C19orf44: variants seen among roughly 807,000 people sequenced by gnomAD.
The protein encoded by C19orf44 is chromosome 19 open reading frame 44.
In C19orf44, 43 loss-of-function variants were observed where a neutral mutation model predicts 50.7. The ratio of observed to expected loss-of-function variants is 0.85; its 90% confidence interval spans 0.66 to 1.09. The LOEUF (loss-of-function observed/expected upper bound fraction) is 1.09. Ranked by LOEUF, C19orf44 falls within the 50% of genes least tolerant of loss-of-function variation. The probability of loss-of-function intolerance (pLI) is 0.00; values close to 1 mark genes in which losing one functional copy is unlikely to be tolerated. For synonymous variants in C19orf44, 298 were observed against 334.7 expected (o/e 0.89, Z 1.20); for missense variants, 722 against 836.2 (o/e 0.86, Z 1.68).
chr19:16,498,727 A>G (rs1268087280), intron 1 of C19orf44, among the ~76,000 whole-genome samples: 4 of 151,342 alleles, frequency 2.6e-5, no homozygotes, highest in Non-Finnish European at 5.9e-5. Flanking sequence ...CTGGAGTGCA[A>G]TGGCGCGATC....
rs745713638 is a variant in C19orf44, at chr19:16,509,571, C to T, written c.1222C>T (p.Pro408Ser). 23 of 1,612,248 alleles carry T rather than the reference C, an allele frequency of 1.4e-5. No homozygotes were observed. The highest frequency in any genetic ancestry group is 1.9e-5 in the Non-Finnish European group (22 of 1,178,930). ...RAEASTGQDA[P>S]RQAQARSWAS... ...CGAGGCGTCCACTGGGCAGGATGCCCCGAGGCAGGCCCAGGCGAGGAGCTG... is the reference window on the plus strand; with the variant it reads ...CGAGGCGTCCACTGGGCAGGATGCCTCGAGGCAGGCCCAGGCGAGGAGCTG... The change falls in exon 5 of 9, where the codon CCG (proline) becomes TCG (serine). Residue 408 changes from proline (P) to serine (S), a missense_variant. By Grantham distance (74) the Pro-to-Ser change is moderately conservative. Coordinates refer to ENST00000221671, the MANE Select transcript of C19orf44 (RefSeq NM_032207.4).
chr19:16,498,431 G>A (rs2093415971), intron 1 of C19orf44, among the ~76,000 whole-genome samples: 2 of 152,000 alleles, frequency 1.3e-5, no homozygotes, highest in East Asian at 1.9e-4. Context: ...CTACAGGTGT[G>A]TGCCATCAGA....
Position 16,517,348 on chromosome 19 carries a change from C to T in C19orf44, c.*40+7C>T, listed in dbSNP as rs776484668. On this transcript the variant is annotated splice_region_variant and intron_variant, in intron 8 of 8. Transcript: ENST00000221671. ...CGTGACGTCTTAACAAAAGGTATCC[C>T]GTCCTGTGTACTCAGTGCACACACA... 1.5e-4 allele frequency: 234 copies of T among 1,562,556 alleles called. 5 individuals carry two copies. The South Asian group carries it at 2.0e-3, about 13-fold the overall frequency.
At chr19:16,497,069 C>T (rs2093411428) in intron 1 of C19orf44, among the ~76,000 whole-genome samples, 1 of 152,096 alleles carries the variant, frequency 6.6e-6, no homozygotes, top group Non-Finnish European at 1.5e-5. Flanking sequence ...TCCAGGAGGT[C>T]AAGGGCTGCT....
At chr19:16,512,312 A>G (rs994432823) in intron 5 of C19orf44, among the ~76,000 whole-genome samples, 7 of 152,104 alleles carry the variant, frequency 4.6e-5, no homozygotes, top group Non-Finnish European at 8.8e-5. Flanking sequence ...GTTTTCCTAG[A>G]CTAGGACTGA....
At position 16,519,759 on chromosome 19, in the gene C19orf44, A is replaced by G. The variant is rs758462254; in HGVS notation, c.*41-335A>G. On this transcript the variant is annotated intron_variant, in intron 8 of 8. Transcript: ENST00000221671. The surrounding 1 kb of genome is among the most constrained non-coding windows in gnomAD (Gnocchi z 6.0). ...ATTCTTTTTAAGAAGTAACTGAGAC[A>G]TTTATTGGAATGACAGTGATGAGGA... 3.3e-6 allele frequency: 5 copies of G among 1,501,826 alleles called. No homozygotes were observed. The highest frequency in any genetic ancestry group is 1.4e-5 in the African/African-American group (1 of 72,590). The allele number at this position is 1,501,826 out of a possible 1,614,324, so 93.0% of individuals were successfully genotyped here. A position where few individuals can be genotyped will look rare whatever the true frequency, so the allele number is the denominator to read the frequency against.
rs1001613678 is a variant in C19orf44 at position 16,520,657 on chromosome 19, T to C, written c.*604T>C. ...ACAGCAACGGTACCAAGTTCCTAAATAGTGTGGCCGAGCCTGCTGCTGTGT... is the reference window on the plus strand; with the variant it reads ...ACAGCAACGGTACCAAGTTCCTAAACAGTGTGGCCGAGCCTGCTGCTGTGT... On this transcript the variant is annotated 3_prime_UTR_variant, in exon 9 of 9. Coordinates refer to ENST00000221671, the MANE Select transcript of C19orf44 (RefSeq NM_032207.4). This position sits in a 1 kb window ranked among gnomAD's most constrained non-coding sequence, Gnocchi z 4.0. 1.7e-6 allele frequency: 2 copies of C among 1,150,190 alleles called. No homozygotes were observed. The highest frequency in any genetic ancestry group is 2.4e-5 in the East Asian group (1 of 42,302). 71.2% of individuals were successfully genotyped at this position (1,150,190 alleles called of 1,614,324 possible).
intron 3 of C19orf44, among the ~76,000 whole-genome samples, chr19:16,505,698 T>C (rs867518946): frequency 2.9e-4 from 44 of 152,286 alleles, no homozygotes; most frequent in African/African-American, 8.9e-4. Context: ...GATAATTATT[T>C]TTGAGACGGA....
intron 4 of C19orf44, among the ~76,000 whole-genome samples, chr19:16,507,676 G>C (rs1378451165): frequency 5.3e-5 from 8 of 151,516 alleles, no homozygotes; most frequent in African/African-American, 1.9e-4. Flanking sequence ...TATTTTAGTA[G>C]AGACGGGGTT....
chr19:16,498,273 T>C (rs376437748), intron 1 of C19orf44, among the ~76,000 whole-genome samples: 4 of 152,244 alleles, frequency 2.6e-5, no homozygotes, highest in East Asian at 3.9e-4. Context: ...CAACAACATA[T>C]GAGGGTTCCA....
intron 6 of C19orf44, 117 bp downstream of exon 6, chr19:16,513,226 A>T: frequency 1.0e-6 from 1 of 997,388 alleles, no homozygotes; most frequent in Non-Finnish European, 1.5e-6. Context: ...CCAGGGGTCC[A>T]TTGGGCAGGG....
At chr19:16,500,137 C>T (rs916791867) in intron 1 of C19orf44, among the ~76,000 whole-genome samples, 2 of 152,064 alleles carry the variant, frequency 1.3e-5, no homozygotes, top group Non-Finnish European at 2.9e-5. Flanking sequence ...CCATGTTGGC[C>T]AGGCTGGTCT....
Position 16,519,525 on chromosome 19 carries a change from A to T in C19orf44, c.*41-569A>T, listed in dbSNP as rs1437394345. 1 of 1,305,574 alleles carries T rather than the reference A, an allele frequency of 7.7e-7. No homozygotes were observed. The highest frequency in any genetic ancestry group is 1.5e-5 in the African/African-American group (1 of 68,578). The allele number at this position is 1,305,574 out of a possible 1,614,324, so 80.9% of individuals were successfully genotyped here. On this transcript the variant is annotated intron_variant, in intron 8 of 8. Transcript: ENST00000221671. The surrounding 1 kb of genome is among the most constrained non-coding windows in gnomAD (Gnocchi z 6.0). ...AGTCAGAACCGGCCTGACTCCATCC[A>T]TCCCCACATGCACTGAGGAAGAGAA...
intron 8 of C19orf44, 81 bp downstream of exon 8, chr19:16,517,422 T>G (rs778155831): frequency 1.0e-6 from 1 of 963,210 alleles, no homozygotes; most frequent in Non-Finnish European, 1.6e-6. Context: ...CGTTCCGTGG[T>G]GGGGGCAGGT....
intron 8 of C19orf44, chr19:16,518,863 A>C: frequency 5.0e-6 from 2 of 402,468 alleles, no homozygotes; most frequent in East Asian, 5.8e-5. Flanking sequence ...TGGCTGAAGA[A>C]TTTACTCGGG....
rs1293759235 is a variant in C19orf44, at chr19:16,509,651, G to A, written c.1302G>A (p.Glu434=). 11 of 1,614,264 alleles carry A rather than the reference G, an allele frequency of 6.8e-6. No homozygotes were observed. The highest frequency in any genetic ancestry group is 9.3e-6 in the Non-Finnish European group (11 of 1,180,052). The change falls in exon 5 of 9, where the codon GAG becomes GAA. Residue 434 remains glutamate, a synonymous_variant. Coordinates refer to ENST00000221671, the MANE Select transcript of C19orf44 (RefSeq NM_032207.4). ...AGGGGGATGAGAGCGAGGTCTCGGA[G>A]CATCTCAGTGCCAGCTCGGCTTCTG... The part of the protein sequence containing the change: ...SAEGDESEVS[E]HLSASSASAI...
Position 16,501,331 on chromosome 19 carries a change from C to A in C19orf44, c.539C>A (p.Pro180His). The A allele has an allele frequency of 6.2e-7, 1 of 1,614,148 alleles. No homozygotes were observed. The highest frequency in any genetic ancestry group is 1.3e-5 in the African/African-American group (1 of 75,034). The change falls in exon 2 of 9, where the codon CCT becomes CAT. Residue 180 changes from proline (P) to histidine (H), a missense_variant. Physicochemically the swap from Pro to His is moderately conservative, Grantham distance 77. Transcript: ENST00000221671. ...AGGTTTCTAAAGAAGAAACAAGCAC[C>A]TGTTGAAAACATATCCCCTGAAGCA... ...VSRFLKKKQAPVENISPEAPA... is the reference protein window; with the variant it reads ...VSRFLKKKQAHVENISPEAPA...
rs1432224353 is a variant in C19orf44 at position 16,517,273 on chromosome 19, C to G, written c.1946C>G (p.Ala649Gly). The change falls in exon 8 of 9, where the codon GCC (alanine) becomes GGC (glycine). Residue 649 changes from alanine (A) to glycine (G), a missense_variant. Coordinates refer to ENST00000221671, the MANE Select transcript of C19orf44 (RefSeq NM_032207.4). ...HRPAPLTMED[A>G]LEEVNKEL Reference sequence around the variant, plus strand: ...CCTGCCCCACTGACCATGGAGGATGCCCTGGAGGAGGTGAACAAGGAGCTG... The same window carrying G: ...CCTGCCCCACTGACCATGGAGGATGGCCTGGAGGAGGTGAACAAGGAGCTG... 1 of 1,614,120 alleles carries G rather than the reference C, an allele frequency of 6.2e-7. No individual in the cohort carries two copies. The highest frequency in any genetic ancestry group is 8.5e-7 in the Non-Finnish European group (1 of 1,180,004).
chr19:16,514,505 G>A lies in C19orf44; in HGVS notation c.1744G>A (p.Ala582Thr), dbSNP rs111870653. The change falls in exon 7 of 9, where the codon GCT (alanine) becomes ACT (threonine). Residue 582 changes from alanine (A) to threonine (T), a missense_variant. Coordinates refer to ENST00000221671, the MANE Select transcript of C19orf44 (RefSeq NM_032207.4). Reference sequence around the variant, plus strand: ...ACGCGGAGCTGGGTCAGCCCTGACCGCTTACAGCCCGGCCGTGCTGGCACT... The same window carrying A: ...ACGCGGAGCTGGGTCAGCCCTGACCACTTACAGCCCGGCCGTGCTGGCACT... ...ISADAIEALT[A>T]YSPAVLALHD... is the part of the protein sequence containing the mutation. 1.3e-4 allele frequency: 206 copies of A among 1,609,790 alleles called. No homozygotes were observed. The South Asian group carries it at 1.7e-3, about 13-fold the overall frequency.
Sources: gnomAD v4.1 joint callset for allele counts (sites outside exome capture counted in the v4.1 genomes callset) on GRCh38, gnomAD v4.1.1 for gene constraint, Gnocchi (gnomAD v3.1) non-coding constraint, MANE v1.5 for transcripts, NCBI Gene and HGNC (gene_info 2026-07-23, HGNC 2026-07-21) for gene names.